NR2C2: variants seen among roughly 807,000 people sequenced by gnomAD.
NR2C2 encodes the protein Nuclear hormone receptor TR4.
NR2C2 carries 6 observed loss-of-function variants against 62.9 expected under a neutral mutation model. The observed-to-expected ratio is 0.10, with a 90% CI of 0.05 to 0.19. The LOEUF is 0.19. Ranked by LOEUF, NR2C2 falls within the 10% of genes least tolerant of loss-of-function variation. NR2C2 has a pLI of 1.00. For synonymous variants in NR2C2, 272 were observed against 273.8 expected, an observed-to-expected ratio of 0.99 and a Z score of 0.07; for missense variants, 479 against 762.7, an observed-to-expected ratio of 0.63 and a Z score of 4.38.
At chr3:15,022,467 G>C (rs1242923566) in intron 5 of NR2C2, among the ~76,000 whole-genome samples, 1 of 139,302 alleles carries the variant, frequency 7.2e-6, no homozygotes, top group African/African-American at 2.6e-5. Context: ...CAGTGGTGCC[G>C]CGTCTTGGCT....
intron 2 of NR2C2, 123 bp downstream of exon 2, chr3:15,004,109 C>T: frequency 3.0e-6 from 2 of 664,780 alleles, no homozygotes; most frequent in Middle Eastern, 2.6e-4. Context: ...ACAACTTCAT[C>T]AATTCTTTAA....
chr3:15,030,160 A>G, intron 8 of NR2C2, 115 bp from the exon 9 acceptor site: 6 of 867,418 alleles, frequency 6.9e-6, no homozygotes, highest in South Asian at 3.4e-5. Flanking sequence ...CCCCATCTCT[A>G]CGGTAGAATT....
At chr3:15,029,838 T>TAGATAGAC (rs2041926910) in intron 8 of NR2C2, among the ~76,000 whole-genome samples, 1 of 119,614 alleles carries the variant, frequency 8.4e-6, no homozygotes, top group African/African-American at 3.9e-5. Flanking sequence ...GATAGATAGA[T>TAGATAGAC]AGATATAGAT....
intron 3 of NR2C2, 98 bp downstream of exon 3, chr3:15,013,887 G>T (rs896053503): frequency 1.5e-6 from 2 of 1,322,346 alleles, no homozygotes; most frequent in Middle Eastern, 1.8e-4. Context: ...TCCATCCCTG[G>T]AAGGTTCCTT....
In NR2C2 at chr3:14,965,669, G is replaced by GT. The variant is rs1218816513; in HGVS notation, c.-40+17772dup. Reference sequence around the variant, plus strand: ...TTTTTGTTTGTTTGTTTTTGTTTTTGTTTTTTTTTGAGACAGAGTTTCGCT... The same window carrying GT: ...TTTTTGTTTGTTTGTTTTTGTTTTTGTTTTTTTTTTGAGACAGAGTTTCGCT... On this transcript the variant is annotated intron_variant, in intron 1 of 13. Transcript: ENST00000425241. 6.4e-3 allele frequency among the ~76,000 whole-genome samples: 944 copies of GT among 147,080 alleles called. 8 individuals are homozygous for GT. The highest frequency in any genetic ancestry group is 0.021 in the African/African-American group (833 of 39,934).
At chr3:15,019,016 TAAAAAAA>T (rs35022020) in intron 4 of NR2C2, among the ~76,000 whole-genome samples, 98 of 76,504 alleles carry the variant, frequency 1.3e-3, no homozygotes, top group African/African-American at 4.9e-3. Flanking sequence ...ACTCTTGTCT[TAAAAAAA>T]AAAAAAAAAA....
intron 11 of NR2C2, 22 bp downstream of exon 11, chr3:15,034,831 C>A: frequency 6.3e-7 from 1 of 1,597,110 alleles, no homozygotes; most frequent in Non-Finnish European, 8.5e-7. Context: ...GGACTTGGGG[C>A]TGGGGTGTGT....
At chr3:15,000,705 A>C (rs543477289) in intron 1 of NR2C2, among the ~76,000 whole-genome samples, 2 of 152,208 alleles carry the variant, frequency 1.3e-5, no homozygotes, top group East Asian at 3.8e-4. Context: ...CAATTTATGC[A>C]AAAAAGCACC....
chr3:14,994,387 T>C (rs1324230785), intron 1 of NR2C2, among the ~76,000 whole-genome samples: 1 of 150,668 alleles, frequency 6.6e-6, no homozygotes, highest in Non-Finnish European at 1.5e-5. Context: ...AGATGAACTC[T>C]ACCCCAGCCC....
At chr3:15,021,030 T>C (rs1376224451) in intron 5 of NR2C2, 98 bp downstream of exon 5, 3 of 1,216,474 alleles carry the variant, frequency 2.5e-6, no homozygotes, top group East Asian at 2.5e-5. Flanking sequence ...TAAAATACTT[T>C]AAGAAAAAAA....
At chr3:14,993,791 T>C (rs766445591) in intron 1 of NR2C2, among the ~76,000 whole-genome samples, 85 of 152,334 alleles carry the variant, frequency 5.6e-4, no homozygotes, top group South Asian at 8.3e-4. Context: ...GTGTGACCCA[T>C]GCCCCCTCTC....
intron 1 of NR2C2, among the ~76,000 whole-genome samples, chr3:14,989,114 C>G (rs2040593227): frequency 6.6e-6 from 1 of 152,196 alleles, no homozygotes; most frequent in Admixed American, 6.5e-5. Flanking sequence ...CAGGGGGCTA[C>G]AGCCTGCCTT....
intron 1 of NR2C2, among the ~76,000 whole-genome samples, chr3:14,968,904 A>G (rs2039947370): frequency 6.8e-6 from 1 of 148,094 alleles, no homozygotes; most frequent in Non-Finnish European, 1.5e-5. Context: ...CAAACACCGC[A>G]TATTCTCACT....
intron 1 of NR2C2, among the ~76,000 whole-genome samples, chr3:14,972,434 G>A (rs1057493258): frequency 1.3e-5 from 2 of 152,020 alleles, no homozygotes; most frequent in African/African-American, 2.4e-5. Flanking sequence ...CTGGGGCTCC[G>A]AAAGTGCTGG....
At chr3:15,034,326 G>T in intron 10 of NR2C2, 1 of 181,586 alleles carries the variant, frequency 5.5e-6, no homozygotes, top group Non-Finnish European at 1.1e-5. Flanking sequence ...TTGGCTGCAG[G>T]ACCTAAGTAA....
chr3:14,974,686 C>T (rs1263850437), intron 1 of NR2C2, among the ~76,000 whole-genome samples: 1 of 151,782 alleles, frequency 6.6e-6, no homozygotes, highest in African/African-American at 2.4e-5. Flanking sequence ...TCACTGCAAC[C>T]TCCACTTCAC....
At chr3:14,990,613 G>A (rs1350781099) in intron 1 of NR2C2, among the ~76,000 whole-genome samples, 1 of 152,170 alleles carries the variant, frequency 6.6e-6, no homozygotes, top group African/African-American at 2.4e-5. Context: ...CTGGCCTTTT[G>A]GGTTGGACTC....
chr3:15,029,077 A>T (rs1164307976), intron 8 of NR2C2, among the ~76,000 whole-genome samples: 1 of 147,788 alleles, frequency 6.8e-6, no homozygotes, highest in African/African-American at 2.5e-5. Flanking sequence ...TTCTATTTTA[A>T]CCTATTTTTC....
At chr3:14,983,126 A>G (rs1175332209) in intron 1 of NR2C2, among the ~76,000 whole-genome samples, 1 of 151,896 alleles carries the variant, frequency 6.6e-6, no homozygotes, top group Non-Finnish European at 1.5e-5. Flanking sequence ...TTCCAGTTGT[A>G]CTCCCTCAGT....
Sources: gnomAD v4.1 joint callset for allele counts (sites outside exome capture counted in the v4.1 genomes callset) on GRCh38, gnomAD v4.1.1 for gene constraint, MANE v1.5 for transcripts, NCBI Gene and HGNC (gene_info 2026-07-23, HGNC 2026-07-21) for gene names.